WDR75: variants seen among roughly 807,000 people sequenced by gnomAD.
WDR75 encodes the protein WD repeat-containing protein 75.
WDR75 carries 52 observed loss-of-function variants against 106.1 expected under a neutral mutation model. The ratio of observed to expected loss-of-function variants is 0.49; its 90% CI spans 0.39 to 0.62. WDR75 has a LOEUF of 0.62. WDR75 is among the 20% of genes least tolerant of loss of function. WDR75 has a pLI of 0.00. For missense variants in WDR75, 905 were observed against 970.3 expected (o/e 0.93, Z 0.89); for synonymous variants, 333 against 335.5 (o/e 0.99, Z 0.08).
At chr2:189,464,184 T>C (rs1686955458) in intron 11 of WDR75, 1 of 513,590 alleles carries the variant, frequency 1.9e-6, no homozygotes, top group Non-Finnish European at 3.4e-6. Flanking sequence ...ACGTGCTGTC[T>C]CTGTCTTTTG....
intron 18 of WDR75, among the ~76,000 whole-genome samples, 197 bp from the exon 19 acceptor site, chr2:189,473,989 C>G (rs1408028781): frequency 1.3e-5 from 2 of 152,134 alleles, no homozygotes; most frequent in Non-Finnish European, 2.9e-5. Flanking sequence ...TCTAAGTGTT[C>G]ACTGTTAGCT....
At chr2:189,469,528 C>A in intron 16 of WDR75, 89 bp downstream of exon 16, 4 of 1,115,618 alleles carry the variant, frequency 3.6e-6, no homozygotes, top group Non-Finnish European at 4.0e-6. Flanking sequence ...GCCTTCACAT[C>A]AGATGTTAAT....
At position 189,449,285 on chromosome 2, in the gene WDR75, C is replaced by T. The variant is rs1246365261; in HGVS notation, c.216+777C>T. On this transcript the variant is annotated intron_variant, in intron 2 of 20. Coordinates refer to ENST00000314761, the MANE Select transcript of WDR75 (RefSeq NM_032168.3). ...AAGTTATTGATTAAGGATGGATTTGCATTGCCATTCACTTTTATTCCAAAG... is the reference window on the plus strand; with the variant it reads ...AAGTTATTGATTAAGGATGGATTTGTATTGCCATTCACTTTTATTCCAAAG... The T allele has an allele frequency of 2.3e-6, 3 of 1,303,560 alleles. No homozygotes were observed. The Admixed American group carries it at 6.9e-5, about 30-fold the overall frequency. The allele number at this position is 1,303,560 out of a possible 1,614,324, so 80.7% of individuals were successfully genotyped here.
chr2:189,470,575 G>T (rs1687096042), intron 17 of WDR75, among the ~76,000 whole-genome samples: 1 of 151,098 alleles, frequency 6.6e-6, no homozygotes, highest in East Asian at 1.9e-4. Context: ...TAAAATGGTG[G>T]CTTGAGTTTT....
Position 189,441,583 on chromosome 2 carries a change from G to A in WDR75, c.86+5G>A, listed in dbSNP as rs755411920. On this transcript the variant is annotated splice_donor_5th_base_variant and intron_variant, in intron 1 of 20. Transcript: ENST00000314761. Reference sequence around the variant, plus strand: ...TGTGTTCTCTGCAGATTCTAAGTATGAGGGGCACCGCGCTTTGTCGGCTGA... The same window carrying A: ...TGTGTTCTCTGCAGATTCTAAGTATAAGGGGCACCGCGCTTTGTCGGCTGA... The A allele has an allele frequency of 3.2e-6, 5 of 1,555,140 alleles. No homozygotes were observed. The South Asian group carries it at 5.9e-5, about 18-fold the overall frequency.
chr2:189,458,882 C>G lies in WDR75; in HGVS notation c.689+10C>G, dbSNP rs767696454. 1 of 1,598,156 alleles carries G rather than the reference C, an allele frequency of 6.3e-7. No homozygotes were observed. The highest frequency in any genetic ancestry group is 8.5e-7 in the Non-Finnish European group (1 of 1,173,758). ...GCAAAATTCGTCTTTGGTCAGTTTG[C>G]TCATGAAGAGCATGGCGATCATTTA... On this transcript the variant is annotated intron_variant, in intron 7 of 20. Transcript: ENST00000314761.
rs115693757 is a variant in WDR75 at position 189,462,501 on chromosome 2, G to A, written c.796G>A (p.Gly266Ser). 16 of 1,613,918 alleles carry A rather than the reference G, an allele frequency of 9.9e-6. No homozygotes were observed. Among genetic ancestry groups the A allele is most frequent in the Admixed American group, 1.7e-5 (1 of 60,014 alleles). ...ATATGAAGGCACCAGTCTGCTGAGT[G>A]GCGGTCGTGAATCTGTACTTGTAGA... ...FSVTGTSLLS[G>S]GRESVLVEWR... Residue 266 changes from glycine (G) to serine (S), a missense_variant, in exon 9 of 21, where the codon GGC becomes AGC. By Grantham distance (56) the Gly-to-Ser change is moderately conservative. Transcript: ENST00000314761.
At chr2:189,468,364 T>A (rs185632620) in intron 14 of WDR75, 111 bp from the exon 15 acceptor site, 3 of 874,002 alleles carry the variant, frequency 3.4e-6, no homozygotes, top group Non-Finnish European at 5.4e-6. Context: ...AAAATATATA[T>A]GTCTATATAA....
At chr2:189,466,755 A>G (rs765633303) in intron 13 of WDR75, among the ~76,000 whole-genome samples, 173 bp downstream of exon 13, 6 of 152,034 alleles carry the variant, frequency 3.9e-5, no homozygotes, top group African/African-American at 1.2e-4. Flanking sequence ...TTTTTCCTCA[A>G]ATCTGTTCTT....
intron 20 of WDR75, 31 bp downstream of exon 20, chr2:189,474,839 C>T: frequency 1.3e-6 from 2 of 1,550,838 alleles, no homozygotes; most frequent in Non-Finnish European, 1.8e-6. Context: ...GGTTTGGACA[C>T]TCTCTTTTGG....
intron 6 of WDR75, among the ~76,000 whole-genome samples, chr2:189,457,781 A>G (rs1364290884): frequency 6.6e-6 from 1 of 152,228 alleles, no homozygotes; most frequent in East Asian, 1.9e-4. Context: ...AATTTAAAAC[A>G]TATTTAAAAT....
chr2:189,453,728 T>G (rs1211453950), intron 4 of WDR75, among the ~76,000 whole-genome samples: 1 of 152,200 alleles, frequency 6.6e-6, no homozygotes, highest in African/African-American at 2.4e-5. Flanking sequence ...AAAGATCCCC[T>G]GTGCTAGCTG....
chr2:189,474,952 A>T (rs1687183826), intron 20 of WDR75, 144 bp downstream of exon 20: 1 of 778,788 alleles, frequency 1.3e-6, no homozygotes, highest in Non-Finnish European at 2.1e-6. Flanking sequence ...TAGGATTATT[A>T]AGTCAAGTAA....
Position 189,465,189 on chromosome 2 carries a change from G to A in WDR75, c.1224G>A (p.Arg408=). 1 of 1,613,088 alleles carries A rather than the reference G, an allele frequency of 6.2e-7. No individual in the cohort carries two copies. The highest frequency in any genetic ancestry group is 8.5e-7 in the Non-Finnish European group (1 of 1,179,344). ...FGNWLATVEQ[R]QEKETELELQ... is the part of the protein sequence containing the mutation. ...ACTGGCTTGCAACAGTGGAACAGCG[G>A]CAAGAAAAGGAAACTGAGCTTGAAT... is the stretch of plus-strand genomic sequence containing the variant. The change falls in exon 12 of 21, where the codon CGG becomes CGA. Residue 408 remains arginine, a synonymous_variant. Coordinates refer to ENST00000314761, the MANE Select transcript of WDR75 (RefSeq NM_032168.3).
intron 1 of WDR75, among the ~76,000 whole-genome samples, chr2:189,443,726 C>T (rs935505050): frequency 2.6e-5 from 4 of 152,042 alleles, no homozygotes; most frequent in Non-Finnish European, 4.4e-5. Context: ...GATGGAATGC[C>T]AGGCAAACAA....
chr2:189,448,643 C>A, intron 2 of WDR75, 135 bp downstream of exon 2: 1 of 1,174,740 alleles, frequency 8.5e-7, no homozygotes, highest in South Asian at 1.4e-5. Context: ...GGGTATTTTC[C>A]ACTTGCTAAA....
chr2:189,474,123 T>A, intron 18 of WDR75, 63 bp from the exon 19 acceptor site: 1 of 1,525,434 alleles, frequency 6.6e-7, no homozygotes, highest in East Asian at 2.3e-5. Flanking sequence ...GTACTTACTG[T>A]TAAGTCAAAC....
In WDR75 at chr2:189,452,479, G is replaced by A. The variant is rs1212401093; in HGVS notation, c.373+584G>A. On this transcript the variant is annotated intron_variant, in intron 4 of 20. Transcript: ENST00000314761. ...TGGGAGGCTGAGGCAGGAGAATGGC[G>A]TGAATCCAGAAGGTGGAGCTTGCAG... Among the ~76,000 whole-genome samples, 7 of 151,476 alleles carry A rather than the reference G, an allele frequency of 4.6e-5. No homozygotes were observed. The South Asian group carries it at 8.3e-4, about 18-fold the overall frequency.
Position 189,469,787 on chromosome 2 carries a change from G to C in WDR75, c.1820-289G>C, listed in dbSNP as rs370394913. On this transcript the variant is annotated intron_variant, in intron 16 of 20. Transcript: ENST00000314761. Reference sequence around the variant, plus strand: ...ACATATCTCATTTCTAGTACTTACAGACAAAATACTACTGTAATAATATTT... The same window carrying C: ...ACATATCTCATTTCTAGTACTTACACACAAAATACTACTGTAATAATATTT... 3.5e-4 allele frequency among the ~76,000 whole-genome samples: 54 copies of C among 152,202 alleles called. 1 individual carries two copies. The highest frequency in any genetic ancestry group is 1.0e-3 in the African/African-American group (43 of 41,540).
Sources: allele counts gnomAD v4.1 joint callset (sites outside exome capture counted in the v4.1 genomes callset), GRCh38; gene constraint gnomAD v4.1.1; transcripts MANE v1.5; gene names NCBI Gene and HGNC (gene_info 2026-07-23, HGNC 2026-07-21).